NUP58: variants seen among roughly 807,000 people sequenced by gnomAD.
NUP58 encodes nucleoporin 58.
In NUP58, 17 loss-of-function variants were observed where a neutral mutation model predicts 70.1. The ratio of observed to expected loss-of-function variants is 0.24; its 90% CI spans 0.17 to 0.36. The LOEUF (loss-of-function observed/expected upper bound fraction) is 0.36. Among genes scored for constraint, NUP58 ranks in the 10% least tolerant of loss-of-function variants. The pLI, the probability that NUP58 is intolerant of heterozygous loss-of-function variation, is 1.00. For missense variants in NUP58, 644 were observed against 701.5 expected (o/e 0.92, Z 0.93); for synonymous variants, 275 against 257.6 (o/e 1.07, Z -0.65).
intron 14 of NUP58, 47 bp from the exon 15 acceptor site, chr13:25,338,589 C>A: frequency 7.3e-7 from 1 of 1,369,710 alleles, no homozygotes; most frequent in Non-Finnish European, 1.0e-6. Context: ...ATCCTTTAAC[C>A]TGTGTTTTAT....
At chr13:25,342,594 CAA>C (rs1416956634), downstream of NUP58, among the ~76,000 whole-genome samples, 1 of 151,924 alleles carries the variant, frequency 6.6e-6, no homozygotes, top group East Asian at 1.9e-4. Flanking sequence ...CTCAAAATGA[CAA>C]AAACAGTGAA....
chr13:25,346,191 G>A (rs1027611773), downstream of NUP58, among the ~76,000 whole-genome samples: 4 of 152,144 alleles, frequency 2.6e-5, no homozygotes, highest in Non-Finnish European at 5.9e-5. Context: ...GCAGGGGCCA[G>A]GATCTACTCT....
At chr13:25,321,546 C>T (rs928393409) in intron 9 of NUP58, among the ~76,000 whole-genome samples, 7 of 152,084 alleles carry the variant, frequency 4.6e-5, no homozygotes, top group African/African-American at 9.7e-5. Context: ...TTTTAACTGT[C>T]GGTTTTTAAA....
downstream of NUP58, among the ~76,000 whole-genome samples, chr13:25,345,074 G>A (rs1415619759): frequency 1.3e-5 from 2 of 152,024 alleles, no homozygotes; most frequent in African/African-American, 4.8e-5. Context: ...CCATTTATTG[G>A]GTGCATAGTC....
chr13:25,337,438 G>A (rs1291603483), intron 14 of NUP58, among the ~76,000 whole-genome samples: 2 of 152,076 alleles, frequency 1.3e-5, no homozygotes, highest in East Asian at 3.9e-4. Context: ...CTGAAAATGA[G>A]TACTTAGGGA....
chr13:25,332,876 A>T (rs2031659530), intron 13 of NUP58: 1 of 985,452 alleles, frequency 1.0e-6, no homozygotes, highest in East Asian at 1.1e-4. Flanking sequence ...TCCCATAATT[A>T]TGACCATCAG....
chr13:25,304,071 G>A (rs1338929855), intron 1 of NUP58, among the ~76,000 whole-genome samples: 1 of 152,130 alleles, frequency 6.6e-6, no homozygotes, highest in Non-Finnish European at 1.5e-5. Flanking sequence ...TGGAAAAGGA[G>A]TATAATATAT....
chr13:25,311,673 C>CTT lies in NUP58; in HGVS notation c.287-1190_287-1189dup, dbSNP rs149489423. On this transcript the variant is annotated intron_variant, in intron 3 of 15. Transcript: ENST00000381736. ...TACAGACGTGAGCCACGGCACCTGT[C>CTT]TTTTTTTTTTTTTTTTTTTTTAAGG... Among the ~76,000 whole-genome samples, 889 of 121,916 alleles carry CTT rather than the reference C, an allele frequency of 7.3e-3. 5 individuals carry two copies. The highest frequency in any genetic ancestry group is 0.018 in the African/African-American group (589 of 33,422). The allele number at this position is 121,916 out of a possible 152,430, so 80.0% of individuals were successfully genotyped here.
chr13:25,343,035 C>T (rs1224740166), downstream of NUP58, among the ~76,000 whole-genome samples: 1 of 151,532 alleles, frequency 6.6e-6, no homozygotes, highest in Non-Finnish European at 1.5e-5. Context: ...TTTTTTATTT[C>T]CATAGATTAT....
At chr13:25,329,070 A>G (rs972233052) in intron 12 of NUP58, among the ~76,000 whole-genome samples, 2 of 152,200 alleles carry the variant, frequency 1.3e-5, no homozygotes, top group Non-Finnish European at 2.9e-5. Context: ...GTTCTAAAGG[A>G]GGAATTTTAT....
chr13:25,343,843 GCACACACACACATACATACACACA>G (rs2032014739), downstream of NUP58, among the ~76,000 whole-genome samples: 1 of 139,534 alleles, frequency 7.2e-6, no homozygotes, highest in Non-Finnish European at 1.5e-5. Flanking sequence ...ATATATATAC[GCACACACACACATACATACACACA>G]CACACCCCAC....
chr13:25,317,506 A>T (rs1049081290), intron 6 of NUP58, among the ~76,000 whole-genome samples: 1 of 152,204 alleles, frequency 6.6e-6, no homozygotes, highest in African/African-American at 2.4e-5. Flanking sequence ...GTAATCAGGG[A>T]TCCATGGTAG....
intron 3 of NUP58, 131 bp from the exon 4 acceptor site, chr13:25,312,752 C>A: frequency 2.6e-6 from 2 of 772,626 alleles, no homozygotes. Flanking sequence ...CTCACAGATA[C>A]ACCCTTCTTC....
At chr13:25,346,208 C>G (rs749286590), downstream of NUP58, among the ~76,000 whole-genome samples, 2 of 152,286 alleles carry the variant, frequency 1.3e-5, no homozygotes, top group South Asian at 4.1e-4. Context: ...CTCTTATGAG[C>G]TGCCATACGT....
intron 6 of NUP58, 63 bp downstream of exon 6, chr13:25,315,530 C>G (rs1467319486): frequency 2.6e-6 from 3 of 1,149,264 alleles, no homozygotes; most frequent in Non-Finnish European, 3.9e-6. Context: ...CTAGGTTGCT[C>G]AAAATTCCTT....
In NUP58 at chr13:25,313,052, C is replaced by T. The variant is rs554453867; in HGVS notation, c.436+20C>T. 11 of 1,606,894 alleles carry T rather than the reference C, an allele frequency of 6.8e-6. No homozygotes were observed. The highest frequency in any genetic ancestry group is 1.3e-5 in the African/African-American group (1 of 74,608). ...CAGCAGGTGAGGCAGAATGAAAAAC[C>T]GTTGCATTTAATGGTTAAATTTCAA... On this transcript the variant is annotated intron_variant, in intron 4 of 15. Transcript: ENST00000381736.
At chr13:25,320,264 CAT>C in intron 7 of NUP58, 1 of 275,712 alleles carries the variant, frequency 3.6e-6, no homozygotes, top group Non-Finnish European at 6.7e-6. Flanking sequence ...GACATTTAGT[CAT>C]ATGCTTTTAA....
At chr13:25,313,117 A>G (rs1410261486) in intron 4 of NUP58, 85 bp downstream of exon 4, 6 of 1,431,364 alleles carry the variant, frequency 4.2e-6, no homozygotes, top group African/African-American at 1.4e-5. Flanking sequence ...ACCTTACTAC[A>G]GAAATTATTG....
chr13:25,327,775 C>T (rs1482457858), intron 12 of NUP58, among the ~76,000 whole-genome samples: 1 of 152,102 alleles, frequency 6.6e-6, no homozygotes, highest in Non-Finnish European at 1.5e-5. Flanking sequence ...TGTTAATACA[C>T]ATATTTCCTG....
Sources: allele counts gnomAD v4.1 joint callset (sites outside exome capture counted in the v4.1 genomes callset), GRCh38; gene constraint gnomAD v4.1.1; transcripts MANE v1.5; gene names NCBI Gene and HGNC (gene_info 2026-07-23, HGNC 2026-07-21).